NBEA: variants seen among roughly 807,000 people sequenced by gnomAD.
The protein encoded by NBEA is lysosomal-trafficking regulator 2.
Under a neutral mutation model 343.4 loss-of-function variants are expected in NBEA, and 44 were observed. The ratio of observed to expected loss-of-function variants is 0.13; its 90% CI spans 0.10 to 0.16. The LOEUF (loss-of-function observed/expected upper bound fraction) is 0.16. NBEA is among the 10% of genes least tolerant of loss of function. The pLI is 1.00. For synonymous variants in NBEA, 1,175 were observed against 1,238.7 expected, an observed-to-expected ratio of 0.95 and a Z score of 1.08; for missense variants, 2,555 against 3,631.3, an observed-to-expected ratio of 0.70 and a Z score of 7.62.
chr13:35,380,935 CA>C (rs2041979223), intron 38 of NBEA, among the ~76,000 whole-genome samples: 1 of 152,064 alleles, frequency 6.6e-6, no homozygotes, highest in African/African-American at 2.4e-5. Context: ...TACTTTTTAC[CA>C]AATTAATGAA....
At chr13:35,118,898 G>T (rs1028833099) in intron 16 of NBEA, among the ~76,000 whole-genome samples, 9 of 151,712 alleles carry the variant, frequency 5.9e-5, no homozygotes, top group African/African-American at 2.2e-4. Flanking sequence ...GAAAATTAAA[G>T]AATTTTGAGT....
chr13:35,599,068 C>G (rs968253010), intron 47 of NBEA, among the ~76,000 whole-genome samples: 3 of 152,152 alleles, frequency 2.0e-5, no homozygotes, highest in Admixed American at 6.6e-5. Context: ...GGTACTTGTT[C>G]TGTCTTTGAA....
chr13:35,115,074 T>C (rs143513230), intron 13 of NBEA, among the ~76,000 whole-genome samples: 1,998 of 152,170 alleles, frequency 0.013, 17 homozygotes, highest in Non-Finnish European at 0.021. Flanking sequence ...CATTGAGATA[T>C]ATTAAAAATA....
chr13:35,370,952 C>T (rs2041397186), intron 38 of NBEA, among the ~76,000 whole-genome samples: 1 of 151,958 alleles, frequency 6.6e-6, no homozygotes, highest in Non-Finnish European at 1.5e-5. Context: ...CTCCACTAGC[C>T]TATAATGTTC....
intron 38 of NBEA, among the ~76,000 whole-genome samples, chr13:35,385,636 G>A (rs760808620): frequency 3.9e-5 from 6 of 152,116 alleles, no homozygotes; most frequent in Non-Finnish European, 5.9e-5. Flanking sequence ...CCAGGAGTAC[G>A]AGGCTGCAGT....
chr13:34,980,067 A>AGTACTGTGGT (rs1249809924), intron 1 of NBEA, among the ~76,000 whole-genome samples: 2 of 152,176 alleles, frequency 1.3e-5, no homozygotes, highest in Admixed American at 6.5e-5. Flanking sequence ...TCTTTATGTC[A>AGTACTGTGGT]GTACTGTGGT....
intron 1 of NBEA, among the ~76,000 whole-genome samples, chr13:34,975,295 C>T (rs1250496943): frequency 6.6e-6 from 1 of 152,076 alleles, no homozygotes; most frequent in Non-Finnish European, 1.5e-5. Context: ...GAATAGAGAA[C>T]CCAGAAATAA....
chr13:35,543,427 C>T (rs144123246), intron 41 of NBEA, among the ~76,000 whole-genome samples: 3 of 152,284 alleles, frequency 2.0e-5, no homozygotes, highest in Non-Finnish European at 4.4e-5. Flanking sequence ...GATCTATTGT[C>T]AGAAGTTATT....
chr13:35,317,997 G>A (rs1334212905), intron 36 of NBEA, among the ~76,000 whole-genome samples: 1 of 152,054 alleles, frequency 6.6e-6, no homozygotes, highest in Non-Finnish European at 1.5e-5. Context: ...AAGGAGATTT[G>A]GGGCTGAGAC....
chr13:35,481,531 C>A (rs574076771), intron 41 of NBEA, among the ~76,000 whole-genome samples: 2 of 151,856 alleles, frequency 1.3e-5, no homozygotes, highest in South Asian at 4.1e-4. Context: ...TGATCTCTAA[C>A]CTTTTCCAAA....
chr13:34,992,236 G>GTATATA (rs1273760024), intron 1 of NBEA, among the ~76,000 whole-genome samples: 1 of 101,060 alleles, frequency 9.9e-6, no homozygotes, highest in Non-Finnish European at 2.2e-5. Flanking sequence ...GTGTGTGTGT[G>GTATATA]TGTATATATA....
chr13:35,649,150 A>G (rs2084390948), intron 51 of NBEA, among the ~76,000 whole-genome samples: 1 of 152,222 alleles, frequency 6.6e-6, no homozygotes, highest in African/African-American at 2.4e-5. Flanking sequence ...ACTGCCAGGG[A>G]AGCGCTCGGC....
chr13:35,371,802 T>C (rs2041449356), intron 38 of NBEA, among the ~76,000 whole-genome samples: 1 of 152,176 alleles, frequency 6.6e-6, no homozygotes, highest in Non-Finnish European at 1.5e-5. Flanking sequence ...GTGGTGTTTG[T>C]TGGGTAGGGC....
At chr13:35,388,148 T>G (rs73502735) in intron 38 of NBEA, among the ~76,000 whole-genome samples, 1,842 of 152,286 alleles carry the variant, frequency 0.012, 47 homozygotes, top group African/African-American at 0.043. Context: ...CTAGGTAACC[T>G]TTGATCTTAA....
intron 38 of NBEA, among the ~76,000 whole-genome samples, chr13:35,427,795 C>A (rs1400633841): frequency 6.6e-6 from 1 of 152,222 alleles, no homozygotes; most frequent in African/African-American, 2.4e-5. Flanking sequence ...GTTTGAGCTT[C>A]CCCGCTGCTT....
rs576221725 is a variant in NBEA at position 35,506,567 on chromosome 13, G to C, written c.6585+34031G>C. On this transcript the variant is annotated intron_variant, in intron 41 of 58. Transcript: ENST00000379939. ...AAATGCTATAGTTAAAACAGCCCAG[G>C]GGTCAGGTGGGTTCGTGTTCTGTCC... Among the ~76,000 whole-genome samples the C allele has an allele frequency of 1.2e-4, 18 of 152,160 alleles. No individual in the cohort carries two copies. The South Asian group carries it at 2.7e-3, about 23-fold the overall frequency.
At chr13:35,513,811 A>G (rs963206711) in intron 41 of NBEA, among the ~76,000 whole-genome samples, 3 of 152,110 alleles carry the variant, frequency 2.0e-5, no homozygotes, top group African/African-American at 7.2e-5. Context: ...GTATTTAAGT[A>G]ATTTTAAATC....
chr13:35,391,445 A>G (rs772995259), intron 38 of NBEA, among the ~76,000 whole-genome samples: 1 of 152,194 alleles, frequency 6.6e-6, no homozygotes, highest in African/African-American at 2.4e-5. Flanking sequence ...TTATAGATAT[A>G]AAAGAAGTTA....
chr13:35,098,686 C>T (rs2065463041), intron 11 of NBEA, among the ~76,000 whole-genome samples: 1 of 152,122 alleles, frequency 6.6e-6, no homozygotes, highest in Non-Finnish European at 1.5e-5. Context: ...GTAGTACCCC[C>T]TTTATTTCTA....
Sources: gnomAD v4.1 joint callset for allele counts (sites outside exome capture counted in the v4.1 genomes callset) on GRCh38, gnomAD v4.1.1 for gene constraint, MANE v1.5 for transcripts, NCBI Gene and HGNC (gene_info 2026-07-23, HGNC 2026-07-21) for gene names.